The following DENND1B variants were observed in gnomAD, a reference collection of about 807,000 sequenced individuals.
The protein encoded by DENND1B is DENN domain containing 1B.
DENND1B carries 59 observed loss-of-function variants against 90.1 expected under a neutral mutation model. The ratio of observed to expected loss-of-function variants is 0.65; its 90% CI spans 0.53 to 0.81. The LOEUF is 0.81. Among genes scored for constraint, DENND1B ranks in the 40% least tolerant of loss-of-function variants. DENND1B has a pLI of 0.00. For missense variants in DENND1B, 862 were observed against 912.6 expected, an observed-to-expected ratio of 0.94 and a Z score of 0.71; for synonymous variants, 337 against 324.6, an observed-to-expected ratio of 1.04 and a Z score of -0.41.
chr1:197,651,408 T>C (rs1653154252), intron 7 of DENND1B, among the ~76,000 whole-genome samples: 1 of 152,044 alleles, frequency 6.6e-6, no homozygotes, highest in African/African-American at 2.4e-5. Context: ...CATCACAGGC[T>C]TGTTGTCTGA....
At chr1:197,558,794 C>G (rs1671919693) in intron 15 of DENND1B, among the ~76,000 whole-genome samples, 1 of 151,768 alleles carries the variant, frequency 6.6e-6, no homozygotes, top group Non-Finnish European at 1.5e-5. Context: ...CAATAGCCAC[C>G]TAATACGACA....
At chr1:197,587,418 A>C (rs1318643884) in intron 14 of DENND1B, among the ~76,000 whole-genome samples, 1 of 152,026 alleles carries the variant, frequency 6.6e-6, no homozygotes, top group East Asian at 1.9e-4. Flanking sequence ...AAAGGAATCA[A>C]AAGCAGTCAT....
At chr1:197,535,988 G>C (rs970095285) in intron 20 of DENND1B, among the ~76,000 whole-genome samples, 1 of 151,932 alleles carries the variant, frequency 6.6e-6, no homozygotes, top group Non-Finnish European at 1.5e-5. Context: ...AAGCATTAAA[G>C]GGGGAGTGGG....
chr1:197,579,720 A>G (rs919205344), intron 15 of DENND1B, among the ~76,000 whole-genome samples: 3 of 152,118 alleles, frequency 2.0e-5, no homozygotes, highest in Non-Finnish European at 2.9e-5. Flanking sequence ...CTGTCTTTCC[A>G]TACCACATTT....
At chr1:197,725,985 G>GATAT (rs910467949) in intron 2 of DENND1B, among the ~76,000 whole-genome samples, 1 of 150,524 alleles carries the variant, frequency 6.6e-6, no homozygotes, top group Non-Finnish European at 1.5e-5. Context: ...GAATGACTCA[G>GATAT]ATATATATAT....
intron 7 of DENND1B, among the ~76,000 whole-genome samples, chr1:197,650,864 G>A (rs558142604): frequency 6.6e-6 from 1 of 152,254 alleles, no homozygotes; most frequent in South Asian, 2.1e-4. Flanking sequence ...GGAGACTTGG[G>A]GAGAAGAGTG....
chr1:197,627,154 G>A lies in DENND1B; in HGVS notation c.673-9395C>T, dbSNP rs188508464. The stretch of plus-strand genomic sequence containing the variant: ...AACTATTCCAATCAATAGAAAAAGA[G>A]GGAATCCTCCCTAACTCATTTTATG... On this transcript the variant is annotated intron_variant, in intron 10 of 22. Coordinates refer to ENST00000620048, the MANE Select transcript of DENND1B (RefSeq NM_001195215.2). Among the ~76,000 whole-genome samples, 1,053 of 152,184 alleles carry A rather than the reference G, an allele frequency of 6.9e-3. 9 individuals carry two copies. The highest frequency in any genetic ancestry group is 0.024 in the African/African-American group (985 of 41,528).
chr1:197,579,162 C>G (rs769482791), intron 15 of DENND1B, among the ~76,000 whole-genome samples: 1 of 152,028 alleles, frequency 6.6e-6, no homozygotes, highest in Non-Finnish European at 1.5e-5. Flanking sequence ...ATAGCAAAAC[C>G]TAAATTACTG....
chr1:197,539,644 A>T (rs1670182472), intron 20 of DENND1B, among the ~76,000 whole-genome samples: 1 of 152,324 alleles, frequency 6.6e-6, no homozygotes, highest in South Asian at 2.1e-4. Context: ...TTTTTGTAGT[A>T]AAGGAATCCT....
chr1:197,604,494 C>G (rs934591186), intron 13 of DENND1B, among the ~76,000 whole-genome samples: 1 of 151,074 alleles, frequency 6.6e-6, no homozygotes, highest in Non-Finnish European at 1.5e-5. Context: ...GAAAAAAGAA[C>G]TAGTAATTCA....
rs1380796719 is a variant in DENND1B at position 197,560,428 on chromosome 1, G to T, written c.1150-7316C>A. On this transcript the variant is annotated intron_variant, in intron 15 of 22. Transcript: ENST00000620048. The stretch of plus-strand genomic sequence containing the variant: ...TGTAGTATGTGAGAAAGTGATGAGT[G>T]TTAGAGAATAAGATAGACTTCCTAA... 2.0e-5 allele frequency among the ~76,000 whole-genome samples: 3 copies of T among 151,798 alleles called. No individual in the cohort carries two copies. The East Asian group carries it at 5.8e-4, about 29-fold the overall frequency.
chr1:197,505,446 G>A lies in DENND1B; in HGVS notation c.*5014C>T, dbSNP rs1160091859. ...CATCATATCAAAGAAGTAATCATTT[G>A]TGACTTTCCAATATTTTAAAATAAA... On this transcript the variant is annotated 3_prime_UTR_variant, in exon 23 of 23. Coordinates refer to ENST00000620048, the MANE Select transcript of DENND1B (RefSeq NM_001195215.2). 1 of 151,448 alleles carries A rather than the reference G, an allele frequency of 6.6e-6. No homozygotes were observed. Among genetic ancestry groups the A allele is most frequent in the East Asian group, 1.9e-4 (1 of 5,138 alleles). 9.4% of individuals were successfully genotyped at this position (151,448 alleles called of 1,614,324 possible). A position where few individuals can be genotyped will look rare whatever the true frequency, so the allele number is the denominator to read the frequency against.
chr1:197,541,581 T>A (rs1223000993), intron 18 of DENND1B, among the ~76,000 whole-genome samples: 1 of 152,188 alleles, frequency 6.6e-6, no homozygotes, highest in Non-Finnish European at 1.5e-5. Context: ...GCATTTGAGT[T>A]TCTCACATCC....
intron 13 of DENND1B, 85 bp from the exon 14 acceptor site, chr1:197,595,418 T>A (rs1675597327): frequency 6.5e-7 from 1 of 1,528,774 alleles, no homozygotes; most frequent in Non-Finnish European, 8.8e-7. Flanking sequence ...CAAACCACAG[T>A]GTCTGTAGGT....
At chr1:197,594,435 T>C (rs947468671) in intron 14 of DENND1B, among the ~76,000 whole-genome samples, 5 of 152,146 alleles carry the variant, frequency 3.3e-5, no homozygotes, top group African/African-American at 4.8e-5. Flanking sequence ...AGGAAATGGG[T>C]CAAGGTTACG....
chr1:197,664,400 A>G (rs1234640463), intron 5 of DENND1B, among the ~76,000 whole-genome samples: 2 of 152,114 alleles, frequency 1.3e-5, no homozygotes, highest in African/African-American at 4.8e-5. Flanking sequence ...CATTATGAGC[A>G]ATTATTTTAA....
rs1451568400 is a variant in DENND1B at position 197,595,215 on chromosome 1, T to C, written c.1040A>G (p.Tyr347Cys). ...ATGAAACAAAACGCTTACAGGTTTG[T>C]ATCTCAGTGCATCTCTGTAGGATCC... is the stretch of plus-strand genomic sequence containing the variant. Reference protein sequence around the residue: ...LFGSYRDALRYKPGEPITFCE... With the variant: ...LFGSYRDALRCKPGEPITFCE... The change falls in exon 14 of 23, where the codon TAC becomes TGC. Residue 347 changes from tyrosine to cysteine, a missense_variant. Coordinates refer to ENST00000620048, the MANE Select transcript of DENND1B (RefSeq NM_001195215.2). 4 of 1,611,340 alleles carry C rather than the reference T, an allele frequency of 2.5e-6. No homozygotes were observed. Among genetic ancestry groups the C allele is most frequent in the Non-Finnish European group, 2.5e-6 (3 of 1,178,746 alleles).
At chr1:197,736,238 T>C in intron 2 of DENND1B, 2 of 407,568 alleles carry the variant, frequency 4.9e-6, no homozygotes, top group South Asian at 7.5e-5. Context: ...TTCCAACTTT[T>C]ATTGAACTTG....
In DENND1B at chr1:197,593,840, A is replaced by G. The variant is rs561006118; in HGVS notation, c.1047+1368T>C. Among the ~76,000 whole-genome samples the G allele has an allele frequency of 2.6e-5, 4 of 152,222 alleles. No homozygotes were observed. In the East Asian group the frequency reaches 7.7e-4, roughly 29 times the overall value. On this transcript the variant is annotated intron_variant, in intron 14 of 22. Transcript: ENST00000620048. The stretch of plus-strand genomic sequence containing the variant: ...AGTGATATTTTTAACTTTCCTTCCC[A>G]TACTGTAAACTTGAAATCAATCCCT...
Sources: gnomAD v4.1 joint callset for allele counts (sites outside exome capture counted in the v4.1 genomes callset) on GRCh38, gnomAD v4.1.1 for gene constraint, MANE v1.5 for transcripts, NCBI Gene and HGNC (gene_info 2026-07-23, HGNC 2026-07-21) for gene names.